MRPS27: variants seen among roughly 807,000 people sequenced by gnomAD.
The protein encoded by MRPS27 is small ribosomal subunit protein mS27.
In MRPS27, 43 loss-of-function variants were observed where a neutral mutation model predicts 48.9. The ratio of observed to expected loss-of-function variants is 0.88; its 90% CI spans 0.69 to 1.13. The LOEUF (loss-of-function observed/expected upper bound fraction) is 1.13. MRPS27 is among the 50% of genes most tolerant of loss of function. The pLI is 0.00. For synonymous variants in MRPS27, 188 were observed against 171.9 expected (o/e 1.09, Z -0.73); for missense variants, 467 against 476.3 (o/e 0.98, Z 0.18).
chr5:72,228,301 C>T lies in MRPS27; in HGVS notation c.659G>A (p.Gly220Asp). 29 of 1,613,580 alleles carry T rather than the reference C, an allele frequency of 1.8e-5. No homozygotes were observed. Among genetic ancestry groups the T allele is most frequent in the Non-Finnish European group, 2.5e-5 (29 of 1,179,694 alleles). ...LPGLKQKNSV[G>D]FSSQLYGYAL... ...ATAGCCATACAACTGGGAACTGAAA[C>T]CCACTGAGTTCTTTTGTTTTAGGCC... The change falls in exon 8 of 11, where the codon GGT becomes GAT. Residue 220 changes from glycine to aspartate, a missense_variant. Coordinates refer to ENST00000261413, the MANE Select transcript of MRPS27 (RefSeq NM_015084.3).
intron 5 of MRPS27, among the ~76,000 whole-genome samples, chr5:72,236,716 T>C (rs1748206804): frequency 2.0e-5 from 3 of 152,090 alleles, no homozygotes; most frequent in Non-Finnish European, 4.4e-5. Context: ...AAAAAGGCAA[T>C]GTATTACTGT....
chr5:72,225,062 G>T (rs1028370181), intron 9 of MRPS27, among the ~76,000 whole-genome samples: 2 of 152,194 alleles, frequency 1.3e-5, no homozygotes, highest in African/African-American at 4.8e-5. Context: ...TGCAAATCTG[G>T]CTGAGATTGG....
At chr5:72,288,758 A>G (rs1458772867) in intron 4 of MRPS27, 2 of 152,278 alleles carry the variant, frequency 1.3e-5, no homozygotes. Flanking sequence ...TCTTTTCTTA[A>G]TAATGTTCAG....
At chr5:72,307,514 T>TA (rs1440012332) in intron 2 of MRPS27, among the ~76,000 whole-genome samples, 2 of 152,188 alleles carry the variant, frequency 1.3e-5, no homozygotes, top group Non-Finnish European at 2.9e-5. Flanking sequence ...TGAAATGACT[T>TA]ACTGCCTGGG....
intron 10 of MRPS27, among the ~76,000 whole-genome samples, chr5:72,221,754 T>G (rs1438391322): frequency 6.6e-6 from 1 of 152,238 alleles, no homozygotes. Flanking sequence ...CCTGAGTGCC[T>G]GCACCGTTAG....
intron 4 of MRPS27, among the ~76,000 whole-genome samples, chr5:72,262,435 C>T (rs966180803): frequency 6.6e-6 from 1 of 152,094 alleles, no homozygotes; most frequent in African/African-American, 2.4e-5. Context: ...GAAAAAGCAA[C>T]CCAAAGCTCA....
intron 4 of MRPS27, among the ~76,000 whole-genome samples, chr5:72,294,284 GA>G (rs564466154): frequency 2.0e-4 from 30 of 150,860 alleles, no homozygotes; most frequent in African/African-American, 6.3e-4. Flanking sequence ...AATGCATCTA[GA>G]AAAAAACTAC....
rs551945569 is a variant in MRPS27 at position 72,302,925 on chromosome 5, C to T, written c.152-5223G>A. ...AGTAAACAACCGGGACACTTGTCCCCTGAAGATTATAAACTACAAGTCAGC... is the reference window on the plus strand; with the variant it reads ...AGTAAACAACCGGGACACTTGTCCCTTGAAGATTATAAACTACAAGTCAGC... On this transcript the variant is annotated intron_variant, in intron 2 of 10. Transcript: ENST00000261413. 5.3e-5 allele frequency among the ~76,000 whole-genome samples: 8 copies of T among 152,330 alleles called. No individual in the cohort carries two copies. The South Asian group carries it at 1.7e-3, about 32-fold the overall frequency.
intron 4 of MRPS27, among the ~76,000 whole-genome samples, chr5:72,238,795 T>C (rs1407559938): frequency 6.6e-6 from 1 of 152,168 alleles, no homozygotes; most frequent in Non-Finnish European, 1.5e-5. Context: ...CAGGATGAGT[T>C]ATATACAGTA....
At chr5:72,249,375 T>G (rs1748594968) in intron 4 of MRPS27, among the ~76,000 whole-genome samples, 1 of 152,180 alleles carries the variant, frequency 6.6e-6, no homozygotes, top group Non-Finnish European at 1.5e-5. Flanking sequence ...TAAGGTTAGA[T>G]TGGGATGATC....
chr5:72,257,391 T>C (rs1435320572), intron 4 of MRPS27, among the ~76,000 whole-genome samples: 1 of 152,224 alleles, frequency 6.6e-6, no homozygotes, highest in Non-Finnish European at 1.5e-5. Context: ...TACAGATTCC[T>C]TCCTCCCTAG....
intron 4 of MRPS27, among the ~76,000 whole-genome samples, chr5:72,273,462 A>C (rs759737345): frequency 1.3e-5 from 2 of 152,182 alleles, no homozygotes; most frequent in African/African-American, 2.4e-5. Context: ...TGTTGTGTGA[A>C]CATCACAGAG....
At chr5:72,236,310 A>G (rs945931716) in intron 5 of MRPS27, among the ~76,000 whole-genome samples, 29 of 152,240 alleles carry the variant, frequency 1.9e-4, no homozygotes, top group African/African-American at 7.0e-4. Flanking sequence ...GAAATCACTG[A>G]TTTACTACAA....
rs765306932 is a variant in MRPS27 at position 72,221,148 on chromosome 5, C to A, written c.1006G>T (p.Ala336Ser). The change falls in exon 11 of 11, where the codon GCC becomes TCC. Residue 336 changes from alanine (A) to serine (S), a missense_variant and splice_region_variant. Coordinates refer to ENST00000261413, the MANE Select transcript of MRPS27 (RefSeq NM_015084.3). ...KLPQYLERFKALHSKLQALGK... is the reference protein window; with the variant it reads ...KLPQYLERFKSLHSKLQALGK... Reference sequence around the variant, plus strand: ...AGAGCTTGAAGCTTAGAATGTAAGGCCTGTTGGAAACAAATGGGAAAAATG... The same window carrying A: ...AGAGCTTGAAGCTTAGAATGTAAGGACTGTTGGAAACAAATGGGAAAAATG... The A allele has an allele frequency of 6.2e-7, 1 of 1,613,236 alleles. No homozygotes were observed. The highest frequency in any genetic ancestry group is 1.1e-5 in the South Asian group (1 of 90,954).
chr5:72,298,669 G>A, intron 2 of MRPS27, among the ~76,000 whole-genome samples: 1 of 138,626 alleles, frequency 7.2e-6, no homozygotes, highest in African/African-American at 2.7e-5. Flanking sequence ...TTGCGCCACT[G>A]CAGTCCGCAG....
chr5:72,312,861 A>C (rs1173341810), intron 2 of MRPS27, among the ~76,000 whole-genome samples: 1 of 152,040 alleles, frequency 6.6e-6, no homozygotes, highest in Non-Finnish European at 1.5e-5. Flanking sequence ...CTCATGATCC[A>C]CCAGCCTCAG....
In MRPS27 at chr5:72,237,188, T is replaced by C. The variant is rs138200367; in HGVS notation, c.396+826A>G. Among the ~76,000 whole-genome samples the C allele has an allele frequency of 6.6e-5, 10 of 152,266 alleles. No individual in the cohort carries two copies. The East Asian group carries it at 1.9e-3, about 29-fold the overall frequency. ...GTGTGGCACCTACATTTGCCTAATA[T>C]TAGATTTATAAGTAATCCTGCTTAT... is the stretch of plus-strand genomic sequence containing the variant. On this transcript the variant is annotated intron_variant, in intron 5 of 10. Coordinates refer to ENST00000261413, the MANE Select transcript of MRPS27 (RefSeq NM_015084.3).
At chr5:72,261,493 C>T (rs926272972) in intron 4 of MRPS27, among the ~76,000 whole-genome samples, 2 of 150,954 alleles carry the variant, frequency 1.3e-5, no homozygotes, top group Admixed American at 6.6e-5. Context: ...TTTAAAAAAC[C>T]CCAGTTGCTA....
At chr5:72,243,387 C>A (rs1748415051) in intron 4 of MRPS27, among the ~76,000 whole-genome samples, 1 of 152,030 alleles carries the variant, frequency 6.6e-6, no homozygotes, top group Non-Finnish European at 1.5e-5. Flanking sequence ...TTGTTAATTT[C>A]AAAACTAACA....
Sources: allele counts gnomAD v4.1 joint callset (sites outside exome capture counted in the v4.1 genomes callset), GRCh38; gene constraint gnomAD v4.1.1; transcripts MANE v1.5; gene names NCBI Gene and HGNC (gene_info 2026-07-23, HGNC 2026-07-21).